The following ZNF320 variants were observed in gnomAD, a reference collection of about 807,000 sequenced individuals.
The protein encoded by ZNF320 is zinc finger protein 320.
ZNF320 carries 2 observed loss-of-function variants against 6.8 expected under a neutral mutation model. The ratio of observed to expected loss-of-function variants is 0.29; its 90% CI spans 0.12 to 0.93. The LOEUF is 0.93. Among genes scored for constraint, ZNF320 ranks in the 40% least tolerant of loss-of-function variants. The pLI, the probability that ZNF320 is intolerant of heterozygous loss-of-function variation, is 0.55. For synonymous variants in ZNF320, 208 were observed against 203.2 expected (o/e 1.02, Z -0.20); for missense variants, 472 against 611.0 (o/e 0.77, Z 2.40).
At position 52,881,846 on chromosome 19, in the gene ZNF320, T is replaced by C. The variant is rs772181330; in HGVS notation, c.280A>G (p.Ile94Val). 1.9e-6 allele frequency: 3 copies of C among 1,613,942 alleles called. No individual in the cohort carries two copies. Among genetic ancestry groups the C allele is most frequent in the South Asian group, 2.2e-5 (2 of 91,058 alleles). ...AFCSQEIEKD[I>V]HDFVFQWQED... ...TGCCACTGAAACACAAAGTCATGAA[T>C]GTCTTTCTCAATTTCCTGGGAGCAA... Residue 94 changes from isoleucine to valine, a missense_variant, in exon 6 of 6, where the codon ATT becomes GTT. Physicochemically the swap from Ile to Val is conservative, Grantham distance 29. Transcript: ENST00000682928.
At chr19:52,865,546 CATAT>C (rs1024458980) in intron 5 of ZNF320, 6 of 121,544 alleles carry the variant, frequency 4.9e-5, no homozygotes, top group Admixed American at 1.8e-4. Context: ...TATGATTATA[CATAT>C]ATATTTATAT....
intron 5 of ZNF320, among the ~76,000 whole-genome samples, chr19:52,887,227 C>T (rs369261549): frequency 0.031 from 4,659 of 151,694 alleles, 217 homozygotes; most frequent in African/African-American, 0.11. Context: ...ACCTGTAATA[C>T]ATTCCCACCC....
At position 52,881,341 on chromosome 19, in the gene ZNF320, T is replaced by TACACAAGGTGTGTACACAAGGTACATC; in HGVS notation, c.784_785insGATGTACCTTGTGTACACACCTTGTGT (p.Val261_Tyr262insTer). ...CTCTCCAGTATGCAGTCTATGATGG[T>TACACAAGGTGTGTACACAAGGTACATC]ACACAAGGTGTGATGTCTGACTAAA... On this transcript the variant is annotated stop_gained, in exon 6 of 6. Coordinates refer to ENST00000682928, the MANE Select transcript of ZNF320 (RefSeq NM_001351774.2). LOFTEE classifies it low-confidence loss of function (END_TRUNC). 1.2e-6 allele frequency: 2 copies of TACACAAGGTGTGTACACAAGGTACATC among 1,613,972 alleles called. No individual in the cohort carries two copies. The highest frequency in any genetic ancestry group is 4.5e-5 in the East Asian group (2 of 44,848).
chr19:52,863,226 T>C (rs757487131), exon 6 of ZNF320, among the ~76,000 whole-genome samples: 11 of 152,178 alleles, frequency 7.2e-5, no homozygotes, highest in Non-Finnish European at 1.0e-4. Context: ...TAGAAGTATA[T>C]GTATTTCTAT....
At chr19:52,870,701 G>A (rs1324238495) in intron 5 of ZNF320, among the ~76,000 whole-genome samples, 1 of 151,968 alleles carries the variant, frequency 6.6e-6, no homozygotes, top group Non-Finnish European at 1.5e-5. Flanking sequence ...AGGAGGCAGA[G>A]GCTACAGTGA....
intron 5 of ZNF320, among the ~76,000 whole-genome samples, chr19:52,883,288 G>A (rs535284383): frequency 1.3e-5 from 2 of 152,080 alleles, no homozygotes; most frequent in African/African-American, 2.4e-5. Flanking sequence ...CTGTGATCTC[G>A]AACTCTGGTG....
chr19:52,892,680 T>C (rs762664942), intron 2 of ZNF320, among the ~76,000 whole-genome samples: 13 of 152,320 alleles, frequency 8.5e-5, no homozygotes, highest in South Asian at 2.1e-4. Flanking sequence ...CCTCAATCTC[T>C]ATAGATTTCC....
rs191815256 is a variant in ZNF320, at chr19:52,893,767, A to G, written c.-192+12T>C. On this transcript the variant is annotated intron_variant, in intron 2 of 5. Coordinates refer to ENST00000682928, the MANE Select transcript of ZNF320 (RefSeq NM_001351774.2). ...GCAAAAACCTGGAGAGGACACAACC[A>G]AAGCTACTCACCAGGCTGAGGTGGG... 5.5e-4 allele frequency: 84 copies of G among 152,282 alleles called. 2 individuals carry two copies. Among genetic ancestry groups the G allele is most frequent in the African/African-American group, 1.8e-3 (73 of 41,548 alleles). The allele number at this position is 152,282 out of a possible 1,614,324, so 9.4% of individuals were successfully genotyped here.
In ZNF320 at chr19:52,879,294, T is replaced by C. The variant is rs1001518582; in HGVS notation, c.*1302A>G. On this transcript the variant is annotated 3_prime_UTR_variant, in exon 6 of 6. Transcript: ENST00000682928. ...CACTTATTTCTGGGATGCAAAATGG[T>C]TCAACATAGTCAAGCAAATCAATGT... 1 of 152,518 alleles carries C rather than the reference T, an allele frequency of 6.6e-6. No individual in the cohort carries two copies. Among genetic ancestry groups the C allele is most frequent in the Non-Finnish European group, 1.5e-5 (1 of 68,256 alleles). The allele number at this position is 152,518 out of a possible 1,614,324, so 9.4% of individuals were successfully genotyped here.
chr19:52,880,770 T>C lies in ZNF320; in HGVS notation c.1356A>G (p.Ser452=). 6.2e-7 allele frequency: 1 copy of C among 1,613,934 alleles called. No homozygotes were observed. Among genetic ancestry groups the C allele is most frequent in the Non-Finnish European group, 8.5e-7 (1 of 1,179,852 alleles). ...KCGDCGKAFN[S]PSHLIRHQRI... The stretch of plus-strand genomic sequence containing the variant: ...TCTGATGCCTAATAAGGTGTGAAGG[T>C]GAATTAAAGGCTTTACCACAATCAC... Residue 452 remains serine, a synonymous_variant, in exon 6 of 6, where the codon TCA becomes TCG. Coordinates refer to ENST00000682928, the MANE Select transcript of ZNF320 (RefSeq NM_001351774.2).
chr19:52,873,926 T>A (rs1457906365), downstream of ZNF320: 1 of 385,450 alleles, frequency 2.6e-6, no homozygotes, highest in African/African-American at 2.1e-5. Context: ...GGAGACTGAC[T>A]ACTACAATAC....
chr19:52,885,305 G>A (rs918062705), intron 5 of ZNF320, among the ~76,000 whole-genome samples: 3 of 152,106 alleles, frequency 2.0e-5, no homozygotes, highest in Non-Finnish European at 2.9e-5. Context: ...GGTAGGCTGG[G>A]CATGGTGGTT....
downstream of ZNF320, chr19:52,873,914 C>T (rs2063722538): frequency 2.7e-6 from 1 of 366,428 alleles, no homozygotes; most frequent in Non-Finnish European, 5.5e-6. Flanking sequence ...TTCAGACTCA[C>T]AGGAGACTGA....
In ZNF320 at chr19:52,881,416, C is replaced by A; in HGVS notation, c.710G>T (p.Arg237Ile). Residue 237 changes from arginine (R) to isoleucine (I), a missense_variant, in exon 6 of 6, where the codon AGA (arginine) becomes ATA (isoleucine). This residue lies in a region of ZNF320 where 462 missense variants were observed against 559.7 expected (regional missense o/e 0.83). Coordinates refer to ENST00000682928, the MANE Select transcript of ZNF320 (RefSeq NM_001351774.2). ...ATAAGGTTTCTCTCCAGTATGACTT[C>A]TATGATGACATGCAAGGGTTGCTTT... is the stretch of plus-strand genomic sequence containing the variant. ...DQKATLACHHRSHTGEKPYKC... is the reference protein window; with the variant it reads ...DQKATLACHHISHTGEKPYKC... The A allele has an allele frequency of 6.2e-7, 1 of 1,613,954 alleles. No homozygotes were observed. Among genetic ancestry groups the A allele is most frequent in the Non-Finnish European group, 8.5e-7 (1 of 1,179,998 alleles).
chr19:52,860,079 A>AT (rs1480871908), downstream of ZNF320, among the ~76,000 whole-genome samples: 1 of 151,910 alleles, frequency 6.6e-6, no homozygotes, highest in Non-Finnish European at 1.5e-5. Context: ...CGCCCGGCTA[A>AT]TTTTTGGAAT....
At chr19:52,867,937 G>T (rs1440023713) in intron 5 of ZNF320, among the ~76,000 whole-genome samples, 4 of 152,048 alleles carry the variant, frequency 2.6e-5, no homozygotes, top group African/African-American at 9.7e-5. Context: ...TAGATTCAAG[G>T]ATTCAGCATG....
Position 52,876,373 on chromosome 19 carries a change from G to T in ZNF320, c.*4223C>A, listed in dbSNP as rs923332513. ...TTCAGAGAAAAACAATTTTAAAATGGCTTAAAAATATATCTAATGAAATGT... is the reference window on the plus strand; with the variant it reads ...TTCAGAGAAAAACAATTTTAAAATGTCTTAAAAATATATCTAATGAAATGT... On this transcript the variant is annotated 3_prime_UTR_variant, in exon 6 of 6. Transcript: ENST00000682928. 6.6e-6 allele frequency: 1 copy of T among 152,058 alleles called. No homozygotes were observed. The highest frequency in any genetic ancestry group is 1.5e-5 in the Non-Finnish European group (1 of 68,026). 9.4% of individuals were successfully genotyped at this position (152,058 alleles called of 1,614,324 possible).
intron 5 of ZNF320, chr19:52,865,515 T>TATTATACATATATATTTATATATG (rs2063535399): frequency 2.2e-5 from 3 of 137,858 alleles, no homozygotes; most frequent in East Asian, 2.0e-4. Flanking sequence ...TATATTTATA[T>TATTATACATATATATTTATATATG]ATTATACATA....
intron 1 of ZNF320, among the ~76,000 whole-genome samples, chr19:52,897,276 G>C (rs1372367262): frequency 6.6e-6 from 1 of 152,272 alleles, no homozygotes; most frequent in Non-Finnish European, 1.5e-5. Flanking sequence ...CGGCCTCCCG[G>C]GAACCGGGGT....
Sources: gnomAD v4.1 joint callset for allele counts (sites outside exome capture counted in the v4.1 genomes callset) on GRCh38, gnomAD v4.1.1 for gene constraint, gnomAD v4.1.1 regional missense constraint, MANE v1.5 for transcripts, NCBI Gene and HGNC (gene_info 2026-07-23, HGNC 2026-07-21) for gene names.